The following IMMP2L variants were observed in gnomAD, a reference collection of about 807,000 sequenced individuals.
The protein encoded by IMMP2L is inner mitochondrial membrane peptidase subunit 2, also known as mitochondrial inner membrane protease subunit 2.
In IMMP2L, 18 loss-of-function variants were observed where a neutral mutation model predicts 19.3. That is an observed-to-expected ratio of 0.93 (90% confidence interval 0.64 to 1.38). IMMP2L has a LOEUF of 1.38. Ranked by LOEUF, IMMP2L falls within the 40% of genes most tolerant of loss-of-function variation. The pLI is 0.00. For missense variants in IMMP2L, 233 were observed against 218.2 expected (o/e 1.07, Z -0.43); for synonymous variants, 76 against 73.0 (o/e 1.04, Z -0.21).
chr7:111,239,551 G>C (rs560776295), intron 3 of IMMP2L, among the ~76,000 whole-genome samples: 1 of 152,000 alleles, frequency 6.6e-6, no homozygotes, highest in Non-Finnish European at 1.5e-5. Context: ...TCTTAATTTA[G>C]GTCTAGTTGA....
intron 5 of IMMP2L, among the ~76,000 whole-genome samples, chr7:110,771,785 A>G (rs1426362453): frequency 6.6e-6 from 1 of 152,168 alleles, no homozygotes; most frequent in East Asian, 1.9e-4. Context: ...CACATATTAC[A>G]AAGTGTAATC....
At chr7:111,459,890 T>A (rs1440397708) in intron 3 of IMMP2L, among the ~76,000 whole-genome samples, 1 of 152,172 alleles carries the variant, frequency 6.6e-6, no homozygotes, top group East Asian at 1.9e-4. Flanking sequence ...AGGAAATTGC[T>A]AAAGTCTGGA....
chr7:110,842,762 A>G (rs1805224856), intron 5 of IMMP2L, among the ~76,000 whole-genome samples: 1 of 152,156 alleles, frequency 6.6e-6, no homozygotes, highest in Non-Finnish European at 1.5e-5. Flanking sequence ...TTTCTTAGGA[A>G]TCTTTTTTTG....
At chr7:111,057,212 T>TA (rs1395672535) in intron 3 of IMMP2L, among the ~76,000 whole-genome samples, 4 of 152,214 alleles carry the variant, frequency 2.6e-5, no homozygotes, top group Non-Finnish European at 5.9e-5. Context: ...ATTTGATTCA[T>TA]TGGCATGGTG....
chr7:110,733,457 T>TG (rs1491276998), intron 5 of IMMP2L, among the ~76,000 whole-genome samples: 1 of 114,434 alleles, frequency 8.7e-6, no homozygotes, highest in African/African-American at 3.4e-5. Context: ...CCAAGGAGTG[T>TG]TTTTTTTTTT....
intron 3 of IMMP2L, among the ~76,000 whole-genome samples, chr7:111,314,729 T>A (rs1823869951): frequency 6.6e-6 from 1 of 152,152 alleles, no homozygotes; most frequent in Non-Finnish European, 1.5e-5. Context: ...CCCACTTTAA[T>A]AACTATTAAT....
At chr7:111,241,864 TAC>T (rs1400040094) in intron 3 of IMMP2L, among the ~76,000 whole-genome samples, 1 of 151,914 alleles carries the variant, frequency 6.6e-6, no homozygotes, top group African/African-American at 2.4e-5. Context: ...AAAAAGTTTT[TAC>T]AGTCAATGAA....
At position 111,300,344 on chromosome 7, in the gene IMMP2L, CT is replaced by C. The variant is rs142030156; in HGVS notation, c.239+186893del. Among the ~76,000 whole-genome samples, 159 of 152,230 alleles carry C rather than the reference CT, an allele frequency of 1.0e-3. 1 individual carries two copies. Among genetic ancestry groups the C allele is most frequent in the Non-Finnish European group, 9.6e-4 (65 of 68,016 alleles). On this transcript the variant is annotated intron_variant, in intron 3 of 5. Coordinates refer to ENST00000405709, the MANE Select transcript of IMMP2L (RefSeq NM_032549.4). ...ACTAGGGCTGGAAGTCATATGTTGT[CT>C]ACTAATCAGCCAAAATAATGAGTAA...
chr7:111,452,583 G>C (rs1839304438), intron 3 of IMMP2L, among the ~76,000 whole-genome samples: 1 of 152,090 alleles, frequency 6.6e-6, no homozygotes, highest in Non-Finnish European at 1.5e-5. Flanking sequence ...ACAAAGAGAA[G>C]ATCATGAGTG....
At chr7:110,945,790 G>A (rs779441237) in intron 4 of IMMP2L, among the ~76,000 whole-genome samples, 1 of 150,740 alleles carries the variant, frequency 6.6e-6, no homozygotes, top group Non-Finnish European at 1.5e-5. Flanking sequence ...GGTGGAGGTT[G>A]TGAGCAGAAT....
chr7:111,266,141 G>A (rs1407047868), intron 3 of IMMP2L, among the ~76,000 whole-genome samples: 2 of 152,076 alleles, frequency 1.3e-5, no homozygotes, highest in African/African-American at 2.4e-5. Context: ...TAATATTTAT[G>A]AGAACAGTGA....
rs183491781 is a variant in IMMP2L at position 111,015,051 on chromosome 7, G to C, written c.240-51486C>G. Reference sequence around the variant, plus strand: ...CATATGATTCAGCAATGCCATCTCTGGGTATATACACAAAGGAATGAAAAC... The same window carrying C: ...CATATGATTCAGCAATGCCATCTCTCGGTATATACACAAAGGAATGAAAAC... On this transcript the variant is annotated intron_variant, in intron 3 of 5. Transcript: ENST00000405709. 2.0e-5 allele frequency among the ~76,000 whole-genome samples: 3 copies of C among 152,148 alleles called. No individual in the cohort carries two copies. The East Asian group carries it at 5.8e-4, about 29-fold the overall frequency.
At chr7:111,482,256 A>G (rs1280643322) in intron 3 of IMMP2L, among the ~76,000 whole-genome samples, 1 of 152,160 alleles carries the variant, frequency 6.6e-6, no homozygotes, top group African/African-American at 2.4e-5. Flanking sequence ...ACTTGCTGTA[A>G]ATCTGTTTCA....
chr7:111,489,518 C>A (rs1002617714), intron 2 of IMMP2L, among the ~76,000 whole-genome samples: 3 of 152,130 alleles, frequency 2.0e-5, no homozygotes, highest in Admixed American at 2.0e-4. Flanking sequence ...ACAACCAGGG[C>A]AGAAGCAAGG....
At chr7:110,892,925 C>T (rs1056832175) in intron 4 of IMMP2L, among the ~76,000 whole-genome samples, 1 of 152,106 alleles carries the variant, frequency 6.6e-6, no homozygotes, top group East Asian at 1.9e-4. Context: ...AAATCTACCC[C>T]ACCCTCATCC....
intron 3 of IMMP2L, among the ~76,000 whole-genome samples, chr7:111,060,100 C>T (rs1161305952): frequency 6.6e-6 from 1 of 151,960 alleles, no homozygotes; most frequent in African/African-American, 2.4e-5. Context: ...TTGTAAGCAG[C>T]AGTGTAATAA....
chr7:110,741,025 T>A (rs1345315523), intron 5 of IMMP2L, among the ~76,000 whole-genome samples: 7 of 151,970 alleles, frequency 4.6e-5, no homozygotes, highest in Non-Finnish European at 1.0e-4. Flanking sequence ...ATGAAAAAGA[T>A]ACTTGCACAT....
chr7:110,925,605 A>G (rs1333386458), intron 4 of IMMP2L, among the ~76,000 whole-genome samples: 1 of 152,130 alleles, frequency 6.6e-6, no homozygotes, highest in Non-Finnish European at 1.5e-5. Context: ...AATCAAGTAT[A>G]GATACTTAAA....
At chr7:110,742,153 A>C (rs1210998573) in intron 5 of IMMP2L, among the ~76,000 whole-genome samples, 1 of 152,196 alleles carries the variant, frequency 6.6e-6, no homozygotes, top group Non-Finnish European at 1.5e-5. Context: ...GTGACAATAT[A>C]AATTAGTAAG....
Sources: gnomAD v4.1 joint callset for allele counts (sites outside exome capture counted in the v4.1 genomes callset) on GRCh38, gnomAD v4.1.1 for gene constraint, MANE v1.5 for transcripts, NCBI Gene and HGNC (gene_info 2026-07-23, HGNC 2026-07-21) for gene names.